The following EPG5 variants were observed in gnomAD, a reference collection of about 807,000 sequenced individuals.
EPG5 encodes the protein ectopic P-granules 5 autophagy tethering factor.
Under a neutral mutation model 302.7 loss-of-function variants are expected in EPG5, and 159 were observed. That is an observed-to-expected ratio of 0.53 (90% CI 0.46 to 0.60). The LOEUF is 0.60. EPG5 is among the 20% of genes least tolerant of loss of function. The probability of loss-of-function intolerance (pLI) is 0.00; values close to 1 mark genes in which losing one functional copy is unlikely to be tolerated. For missense variants in EPG5, 2,896 were observed against 3,092.4 expected, an observed-to-expected ratio of 0.94 and a Z score of 1.51; for synonymous variants, 1,158 against 1,136.8, an observed-to-expected ratio of 1.02 and a Z score of -0.37.
intron 1 of EPG5, among the ~76,000 whole-genome samples, chr18:45,955,791 G>A (rs2051015863): frequency 6.6e-6 from 1 of 152,026 alleles, no homozygotes; most frequent in African/African-American, 2.4e-5. Flanking sequence ...TTGTAGTACT[G>A]GAATAAAATA....
chr18:45,840,233 C>T, the EPG5 span: 1 of 1,612,616 alleles, frequency 6.2e-7, no homozygotes, highest in Non-Finnish European at 8.5e-7. Context: ...CCCCGGACAC[C>T]CCACCACGGT....
chr18:45,844,124 TGG>T (rs2048347012), downstream of EPG5: 1 of 151,048 alleles, frequency 6.6e-6, no homozygotes, highest in South Asian at 2.1e-4. Context: ...ACAACATGGA[TGG>T]AACTGGCAGC....
chr18:45,807,156 T>A, the EPG5 span, among the ~76,000 whole-genome samples: 1 of 152,090 alleles, frequency 6.6e-6, no homozygotes, highest in African/African-American at 2.4e-5. Flanking sequence ...ACATCTATAA[T>A]CCTTGTAGGA....
intron 9 of EPG5, 140 bp from the exon 10 acceptor site, chr18:45,939,895 T>A: frequency 1.3e-6 from 1 of 741,396 alleles, no homozygotes; most frequent in Non-Finnish European, 2.1e-6. Context: ...GTTCTGAAAC[T>A]AATGAAATGG....
At chr18:45,903,113 AT>A (rs146582617) in intron 25 of EPG5, among the ~76,000 whole-genome samples, 14,422 of 152,218 alleles carry the variant, frequency 0.095, 749 homozygotes, top group African/African-American at 0.14. Flanking sequence ...CTGTTCATAT[AT>A]TTCTTCTTCT....
At chr18:45,953,918 G>A in intron 2 of EPG5, 1 of 985,300 alleles carries the variant, frequency 1.0e-6, no homozygotes, top group Non-Finnish European at 1.2e-6. Context: ...TCTTCCCATT[G>A]GATGTTGGTA....
the EPG5 span, among the ~76,000 whole-genome samples, chr18:45,829,904 C>T: frequency 6.6e-6 from 1 of 152,166 alleles, no homozygotes; most frequent in South Asian, 2.1e-4. Flanking sequence ...CCCAGCAGAC[C>T]TAATTTTTGT....
intron 7 of EPG5, 139 bp from the exon 8 acceptor site, chr18:45,944,258 G>A (rs1213978770): frequency 1.4e-5 from 8 of 581,864 alleles, no homozygotes; most frequent in Non-Finnish European, 6.2e-6. Context: ...CTTTTCTCCA[G>A]GACAGCAATT....
chr18:45,840,730 T>A, the EPG5 span, among the ~76,000 whole-genome samples: 1 of 152,188 alleles, frequency 6.6e-6, no homozygotes. Context: ...ACTCAATTCA[T>A]AGACCCTGTA....
the EPG5 span, among the ~76,000 whole-genome samples, chr18:45,814,649 G>A: frequency 3.9e-5 from 6 of 152,212 alleles, no homozygotes; most frequent in African/African-American, 1.4e-4. Flanking sequence ...TAAAGTGTTA[G>A]AGGTTGAAGG....
At chr18:45,903,110 T>C (rs1024389353) in intron 25 of EPG5, among the ~76,000 whole-genome samples, 1 of 150,206 alleles carries the variant, frequency 6.7e-6, no homozygotes. Context: ...GATCTGTTCA[T>C]ATATTTCTTC....
chr18:45,878,872 C>T (rs191314440), intron 33 of EPG5, 141 bp downstream of exon 33: 2 of 653,556 alleles, frequency 3.1e-6, no homozygotes, highest in African/African-American at 3.6e-5. Flanking sequence ...ATATATGACA[C>T]ATATATGGGC....
chr18:45,843,126 G>A (rs72916296), downstream of EPG5: 18,960 of 152,326 alleles, frequency 0.12, 1,590 homozygotes, highest in Non-Finnish European at 0.19. Flanking sequence ...AGCTGAAGCC[G>A]GGAGACCTGA....
chr18:45,914,905 A>G lies in EPG5; in HGVS notation c.3693+606T>C, dbSNP rs183470249. ...GCTGGGAGCAGGAGAATCACTTAACAACAGGAGATTGAGACCAGCCTGGGC... is the reference window on the plus strand; with the variant it reads ...GCTGGGAGCAGGAGAATCACTTAACGACAGGAGATTGAGACCAGCCTGGGC... On this transcript the variant is annotated intron_variant, in intron 20 of 43. Coordinates refer to ENST00000282041, the MANE Select transcript of EPG5 (RefSeq NM_020964.3). Among the ~76,000 whole-genome samples the G allele has an allele frequency of 4.6e-3, 707 of 152,094 alleles. 10 individuals are homozygous for G. The highest frequency in any genetic ancestry group is 0.015 in the African/African-American group (612 of 41,486).
intron 1 of EPG5, among the ~76,000 whole-genome samples, chr18:45,956,444 G>A (rs879854364): frequency 1.3e-5 from 2 of 150,434 alleles, no homozygotes; most frequent in Non-Finnish European, 2.9e-5. Context: ...TAATTCTTTA[G>A]GGTGTTTTAT....
rs779062170 is a variant in EPG5, at chr18:45,867,688, T to G, written c.6286A>C (p.Asn2096His). The change falls in exon 37 of 44, where the codon AAC becomes CAC. Residue 2096 changes from asparagine (N) to histidine (H), a missense_variant. Physicochemically the swap from Asn to His is moderately conservative, Grantham distance 68. This residue lies in a region of EPG5 where 620 missense variants were observed against 704.2 expected (regional missense o/e 0.88). Transcript: ENST00000282041. ...GCATCAGAGAGCACACTAACCCAGTTGACTTCACAGAGTACAGACCCCAAA... is the reference window on the plus strand; with the variant it reads ...GCATCAGAGAGCACACTAACCCAGTGGACTTCACAGAGTACAGACCCCAAA... ...LFLGSVLCEVNWVSVLSDAWN... is the reference protein window; with the variant it reads ...LFLGSVLCEVHWVSVLSDAWN... 24 of 1,614,036 alleles carry G rather than the reference T, an allele frequency of 1.5e-5. 1 individual carries two copies.
chr18:45,878,937 C>T (rs1302040207), intron 33 of EPG5, 76 bp downstream of exon 33: 12 of 1,173,950 alleles, frequency 1.0e-5, no homozygotes, highest in Non-Finnish European at 1.4e-5. Flanking sequence ...ATATAAATCT[C>T]TTAATGTGCC....
intron 27 of EPG5, among the ~76,000 whole-genome samples, chr18:45,891,906 C>G (rs900936430): frequency 9.9e-5 from 15 of 152,280 alleles, no homozygotes; most frequent in African/African-American, 3.6e-4. Flanking sequence ...TTAGGAGTAT[C>G]TGCAGTCAGC....
chr18:45,906,973 A>C (rs550777984), intron 24 of EPG5, among the ~76,000 whole-genome samples: 31 of 152,328 alleles, frequency 2.0e-4, no homozygotes, highest in African/African-American at 7.2e-4. Flanking sequence ...TGATCACAAA[A>C]TGTAATAACT....
Sources: gnomAD v4.1 joint callset for allele counts (sites outside exome capture counted in the v4.1 genomes callset) on GRCh38, gnomAD v4.1.1 for gene constraint, gnomAD v4.1.1 regional missense constraint, MANE v1.5 for transcripts, NCBI Gene and HGNC (gene_info 2026-07-23, HGNC 2026-07-21) for gene names.